CPLANE1: variants seen among roughly 807,000 people sequenced by gnomAD.
The protein encoded by CPLANE1 is ciliogenesis and planar polarity effector complex subunit 1, also known as ciliogenesis and planar polarity effector 1.
CPLANE1 carries 263 observed loss-of-function variants against 362.5 expected under a neutral mutation model. The ratio of observed to expected loss-of-function variants is 0.73; its 90% CI spans 0.66 to 0.80. CPLANE1 has a LOEUF of 0.80. CPLANE1 is among the 30% of genes least tolerant of loss of function. The pLI is 0.00. For synonymous variants in CPLANE1, 1,212 were observed against 1,302.6 expected (o/e 0.93, Z 1.50); for missense variants, 3,461 against 3,793.4 (o/e 0.91, Z 2.30).
intron 43 of CPLANE1, among the ~76,000 whole-genome samples, chr5:37,142,870 T>C (rs72736749): frequency 0.028 from 4,338 of 152,222 alleles, 95 homozygotes; most frequent in Middle Eastern, 0.12. Flanking sequence ...TACTGAGGAA[T>C]AGGAGATGTG....
chr5:37,221,134 G>C (rs1366433859), intron 15 of CPLANE1, among the ~76,000 whole-genome samples, 190 bp downstream of exon 15: 1 of 152,138 alleles, frequency 6.6e-6, no homozygotes, highest in Non-Finnish European at 1.5e-5. Flanking sequence ...CAACTTTTAT[G>C]TATAAGCAAT....
intron 46 of CPLANE1, among the ~76,000 whole-genome samples, chr5:37,132,488 GCGCCCGCCACCA>G (rs1370398283): frequency 6.6e-6 from 1 of 151,920 alleles, no homozygotes; most frequent in African/African-American, 2.4e-5. Flanking sequence ...GGGACTACAG[GCGCCCGCCACCA>G]CGCCCGGCTA....
rs536306146 is a variant in CPLANE1, at chr5:37,241,462, AATAG to A, written c.677+1547_677+1550del. 1.2e-4 allele frequency among the ~76,000 whole-genome samples: 18 copies of A among 152,086 alleles called. 1 individual carries two copies. The highest frequency in any genetic ancestry group is 9.7e-4 in the East Asian group (5 of 5,172). ...AGAGCAAGACTCTATCTCAAAAATAAATAGATAGATAGATAGATAGATAGGTAGA... is the reference window on the plus strand; with the variant it reads ...AGAGCAAGACTCTATCTCAAAAATAAATAGATAGATAGATAGATAGGTAGA... On this transcript the variant is annotated intron_variant, in intron 6 of 52. Transcript: ENST00000651892.
At chr5:37,193,807 T>C (rs72736757) in intron 21 of CPLANE1, among the ~76,000 whole-genome samples, 4,343 of 152,156 alleles carry the variant, frequency 0.029, 95 homozygotes, top group Middle Eastern at 0.12. Context: ...AGCAAGATCA[T>C]AGCTCACTGC....
At chr5:37,239,007 G>A in intron 7 of CPLANE1, 47 bp from the exon 8 acceptor site, 1 of 929,250 alleles carries the variant, frequency 1.1e-6, no homozygotes, top group Non-Finnish European at 1.6e-6. Flanking sequence ...TTATTTTACT[G>A]TAACCATTAT....
chr5:37,153,023 T>C (rs1025638883), intron 42 of CPLANE1, among the ~76,000 whole-genome samples: 1 of 152,164 alleles, frequency 6.6e-6, no homozygotes, highest in Middle Eastern at 3.2e-3. Flanking sequence ...ATAAAATCTT[T>C]CAGAGAAAAA....
intron 21 of CPLANE1, among the ~76,000 whole-genome samples, chr5:37,192,317 A>G (rs1240321570): frequency 1.3e-5 from 2 of 152,134 alleles, no homozygotes; most frequent in Non-Finnish European, 2.9e-5. Flanking sequence ...CATTGCATAC[A>G]ATAGCCTTGA....
At position 37,142,580 on chromosome 5, in the gene CPLANE1, T is replaced by C. The variant is rs566925080; in HGVS notation, c.8462-100A>G. On this transcript the variant is annotated intron_variant, in intron 43 of 52. Coordinates refer to ENST00000651892, the MANE Select transcript of CPLANE1 (RefSeq NM_001384732.1). The stretch of plus-strand genomic sequence containing the variant: ...CTATTTCCAACTGGCAACCCAGATA[T>C]TAGAAGTTTGTCACATATTATGCTA... 48 of 737,906 alleles carry C rather than the reference T, an allele frequency of 6.5e-5. No individual in the cohort carries two copies. In the South Asian group the frequency reaches 1.1e-3, roughly 17 times the overall value. 45.7% of individuals were successfully genotyped at this position (737,906 alleles called of 1,614,324 possible).
Position 37,187,776 on chromosome 5 carries a change from C to A in CPLANE1, c.3878G>T (p.Cys1293Phe). 2 of 1,613,798 alleles carry A rather than the reference C, an allele frequency of 1.2e-6. No homozygotes were observed. The highest frequency in any genetic ancestry group is 1.1e-5 in the South Asian group (1 of 91,060). The change falls in exon 22 of 53, where the codon TGC (cysteine) becomes TTC (phenylalanine). Residue 1293 changes from cysteine to phenylalanine, a missense_variant. Transcript: ENST00000651892. ...LHVRDKLSYS[C>F]RQYQKARENV... ...TTCTCTTGCTTTCTGATATTGCCTG[C>A]AACTATAGGATAACTTATCACGGAC...
At chr5:37,122,204 A>G (rs750480289) in intron 48 of CPLANE1, among the ~76,000 whole-genome samples, 2 of 152,238 alleles carry the variant, frequency 1.3e-5, no homozygotes, top group Non-Finnish European at 1.5e-5. Context: ...AAGGGAGAAC[A>G]GCAGAAATAA....
chr5:37,209,417 A>T lies in CPLANE1; in HGVS notation c.2921-2992T>A, dbSNP rs1322558363. 4.7e-6 allele frequency: 6 copies of T among 1,286,146 alleles called. No individual in the cohort carries two copies. Among genetic ancestry groups the T allele is most frequent in the Non-Finnish European group, 6.8e-6 (6 of 883,544 alleles). 79.7% of individuals were successfully genotyped at this position (1,286,146 alleles called of 1,614,324 possible). A position where few individuals can be genotyped will look rare whatever the true frequency, so the allele number is the denominator to read the frequency against. ...TGGCTGATGTGTTGAGTCAAAATGA[A>T]CTGCGCAAAAAGCTATACCAGACAT... is the stretch of plus-strand genomic sequence containing the variant. On this transcript the variant is annotated intron_variant, in intron 16 of 52. Coordinates refer to ENST00000651892, the MANE Select transcript of CPLANE1 (RefSeq NM_001384732.1). The surrounding 1 kb of genome is among the most constrained non-coding windows in gnomAD (Gnocchi z 4.6).
At chr5:37,178,966 G>C (rs1366888343) in intron 29 of CPLANE1, among the ~76,000 whole-genome samples, 2 of 152,052 alleles carry the variant, frequency 1.3e-5, no homozygotes, top group Non-Finnish European at 2.9e-5. Flanking sequence ...TTGTTCTCTT[G>C]ACCAGGCTGG....
chr5:37,131,606 C>T (rs1765825230), intron 46 of CPLANE1, among the ~76,000 whole-genome samples: 1 of 151,942 alleles, frequency 6.6e-6, no homozygotes, highest in Non-Finnish European at 1.5e-5. Context: ...TCTTGGCTCA[C>T]TGCAACCTCC....
the CPLANE1 span, among the ~76,000 whole-genome samples, chr5:37,091,408 A>G: frequency 1.3e-5 from 2 of 152,188 alleles, no homozygotes; most frequent in Non-Finnish European, 2.9e-5. Context: ...GCCAGCTCAC[A>G]ATTTCAACAA....
At chr5:37,135,519 C>G (rs530583838) in intron 46 of CPLANE1, among the ~76,000 whole-genome samples, 8 of 152,026 alleles carry the variant, frequency 5.3e-5, no homozygotes, top group Non-Finnish European at 8.8e-5. Flanking sequence ...GAGTGCCCAG[C>G]AAAAGGGGAA....
In CPLANE1 at chr5:37,153,722, A is replaced by T; in HGVS notation, c.8373+18T>A. 6.3e-7 allele frequency: 1 copy of T among 1,583,024 alleles called. No individual in the cohort carries two copies. On this transcript the variant is annotated intron_variant, in intron 42 of 52. Coordinates refer to ENST00000651892, the MANE Select transcript of CPLANE1 (RefSeq NM_001384732.1). ...TAATTCAGTAGCAAACAAAAAACTA[A>T]AAATAAAGGTAGTCTACCTTATCAC...
rs1390549177 is a variant in CPLANE1 at position 37,185,013 on chromosome 5, A to T, written c.4256T>A (p.Leu1419Gln). 1 of 1,614,126 alleles carries T rather than the reference A, an allele frequency of 6.2e-7. No homozygotes were observed. The highest frequency in any genetic ancestry group is 8.5e-7 in the Non-Finnish European group (1 of 1,179,958). ...GCCTATATTTCTCTGCACACGTTTTAGAGCTTTCACCCTCACTTTCTGGAT... is the reference window on the plus strand; with the variant it reads ...GCCTATATTTCTCTGCACACGTTTTTGAGCTTTCACCCTCACTTTCTGGAT... ...HSIQKVRVKALKRVQRNIGSF... is the reference protein window; with the variant it reads ...HSIQKVRVKAQKRVQRNIGSF... The change falls in exon 25 of 53, where the codon CTA becomes CAA. Residue 1419 changes from leucine to glutamine, a missense_variant. Transcript: ENST00000651892.
Position 37,245,591 on chromosome 5 carries a change from C to T in CPLANE1, c.225G>A (p.Trp75Ter). ...IVLTTSSNDAWLAGVLTTGEL... is the reference protein window; with the variant it reads ...IVLTTSSNDA ...CTCCTGTAGTTAGTACCCCAGCCAG[C>T]CAGGCATCTGTTTCCAAAAATGAAA... Residue 75 changes from tryptophan (W) to a stop codon, truncating the protein, a stop_gained, in exon 4 of 53, where the codon TGG (tryptophan) becomes TGA (stop). Coordinates refer to ENST00000651892, the MANE Select transcript of CPLANE1 (RefSeq NM_001384732.1). LOFTEE classifies it high-confidence loss of function. 1 of 1,512,170 alleles carries T rather than the reference C, an allele frequency of 6.6e-7. No individual in the cohort carries two copies. The highest frequency in any genetic ancestry group is 1.3e-5 in the South Asian group (1 of 75,840). 93.7% of individuals were successfully genotyped at this position (1,512,170 alleles called of 1,614,324 possible).
intron 5 of CPLANE1, among the ~76,000 whole-genome samples, chr5:37,244,140 G>A (rs1316591740): frequency 3.3e-5 from 5 of 152,138 alleles, no homozygotes; most frequent in East Asian, 1.9e-4. Flanking sequence ...GTGAGCCACC[G>A]CGCCCGGCAT....
Sources: gnomAD v4.1 joint callset for allele counts (sites outside exome capture counted in the v4.1 genomes callset) on GRCh38, gnomAD v4.1.1 for gene constraint, Gnocchi (gnomAD v3.1) non-coding constraint, MANE v1.5 for transcripts, NCBI Gene and HGNC (gene_info 2026-07-23, HGNC 2026-07-21) for gene names.